The following EIF3B variants were observed in gnomAD, a reference collection of about 807,000 sequenced individuals.
EIF3B encodes eukaryotic translation initiation factor 3 subunit B, also known as eukaryotic translation initiation factor 3 subunit 9.
Under a neutral mutation model 104.6 loss-of-function variants are expected in EIF3B, and 10 were observed. That is an observed-to-expected ratio of 0.10 (90% CI 0.06 to 0.16). EIF3B has a LOEUF of 0.16. EIF3B is among the 10% of genes least tolerant of loss of function. The probability of loss-of-function intolerance (pLI) is 1.00; values close to 1 mark genes in which losing one functional copy is unlikely to be tolerated. For missense variants in EIF3B, 1,014 were observed against 1,087.9 expected (o/e 0.93, Z 0.96); for synonymous variants, 542 against 417.2 (o/e 1.30, Z -3.65).
intron 10 of EIF3B, among the ~76,000 whole-genome samples, chr7:2,371,006 T>C (rs1562486734): frequency 6.6e-6 from 1 of 152,064 alleles, no homozygotes; most frequent in Non-Finnish European, 1.5e-5. Context: ...GAGCTTGCAG[T>C]GAGCCGAGAT....
intron 9 of EIF3B, among the ~76,000 whole-genome samples, chr7:2,368,725 G>A (rs1780162274): frequency 6.6e-6 from 1 of 152,212 alleles, no homozygotes; most frequent in Non-Finnish European, 1.5e-5. Flanking sequence ...TCCGAGGCAG[G>A]GTTTGGGGAG....
chr7:2,362,767 G>T lies in EIF3B; in HGVS notation c.812+3G>T. On this transcript the variant is annotated splice_donor_region_variant and intron_variant, in intron 3 of 18. Coordinates refer to ENST00000360876, the MANE Select transcript of EIF3B (RefSeq NM_001037283.2). ...AACCTCTTTACGGATTTTGACAAGT[G>T]AGTTCAGACTTGGCCACAAGGAAGT... 6.2e-7 allele frequency: 1 copy of T among 1,614,158 alleles called. No homozygotes were observed. The highest frequency in any genetic ancestry group is 1.1e-5 in the South Asian group (1 of 91,076).
intron 12 of EIF3B, chr7:2,374,197 G>A (rs1245330773): frequency 9.1e-6 from 2 of 219,478 alleles, no homozygotes; most frequent in Non-Finnish European, 1.8e-5. Flanking sequence ...TGGTCTTTTG[G>A]GGTCACACGT....
intron 2 of EIF3B, 25 bp downstream of exon 2, chr7:2,360,927 TATC>T (rs1779691634): frequency 6.4e-7 from 1 of 1,561,532 alleles, no homozygotes; most frequent in African/African-American, 1.4e-5. Context: ...GTTGGAGAAG[TATC>T]ATCTGTGTCT....
intron 2 of EIF3B, among the ~76,000 whole-genome samples, chr7:2,361,521 A>G (rs1779725393): frequency 6.7e-6 from 1 of 150,182 alleles, no homozygotes; most frequent in Admixed American, 6.6e-5. Flanking sequence ...CCAGGTTCAC[A>G]CTATTCTCCC....
Position 2,380,647 on chromosome 7 carries a change from C to T in EIF3B, c.*458C>T. ...TGCTGGACGTGTCCCGGAGACCCAC[C>T]GGGAGGGCGCCGCCATGCCTTGTAC... On this transcript the variant is annotated 3_prime_UTR_variant, in exon 19 of 19. Transcript: ENST00000360876. 2 of 228,802 alleles carry T rather than the reference C, an allele frequency of 8.7e-6. No homozygotes were observed. The highest frequency in any genetic ancestry group is 8.6e-5 in the South Asian group (2 of 23,270). 14.2% of individuals were successfully genotyped at this position (228,802 alleles called of 1,614,324 possible).
intron 10 of EIF3B, among the ~76,000 whole-genome samples, chr7:2,370,585 C>T (rs1242889799): frequency 2.6e-5 from 4 of 152,092 alleles, no homozygotes; most frequent in Non-Finnish European, 5.9e-5. Context: ...CTGAAAACAC[C>T]CCTTTAGAGT....
At chr7:2,369,403 T>A (rs1216444669) in intron 9 of EIF3B, 69 bp from the exon 10 acceptor site, 2 of 1,521,958 alleles carry the variant, frequency 1.3e-6, no homozygotes, top group African/African-American at 2.8e-5. Context: ...AGTTGTTCTA[T>A]TCTCTTCTGC....
chr7:2,356,738 T>G (rs1779466594), intron 1 of EIF3B, among the ~76,000 whole-genome samples: 1 of 151,990 alleles, frequency 6.6e-6, no homozygotes, highest in Admixed American at 6.6e-5. Context: ...AGGTGGAGGT[T>G]GCAGTGAGCC....
chr7:2,365,341 C>T (rs1466588860), intron 6 of EIF3B, among the ~76,000 whole-genome samples: 1 of 152,132 alleles, frequency 6.6e-6, no homozygotes, highest in Non-Finnish European at 1.5e-5. Context: ...GAGCTGGGGC[C>T]ACTCTAGGGA....
At chr7:2,366,890 C>A (rs1320959730) in intron 8 of EIF3B, 109 bp from the exon 9 acceptor site, 2 of 1,207,418 alleles carry the variant, frequency 1.7e-6, no homozygotes, top group African/African-American at 3.0e-5. Flanking sequence ...TGCACTGCCC[C>A]CTAGGCAAAC....
Position 2,368,929 on chromosome 7 carries a change from A to G in EIF3B, c.1404-543A>G, listed in dbSNP as rs967561339. Among the ~76,000 whole-genome samples the G allele has an allele frequency of 7.2e-5, 11 of 152,250 alleles. 1 individual carries two copies. The highest frequency in any genetic ancestry group is 2.4e-4 in the African/African-American group (10 of 41,480). On this transcript the variant is annotated intron_variant, in intron 9 of 18. Coordinates refer to ENST00000360876, the MANE Select transcript of EIF3B (RefSeq NM_001037283.2). The stretch of plus-strand genomic sequence containing the variant: ...AGGACGTTGGTTCTCAAAAAATGCA[A>G]AACAGCACATAGCGTGTATAAAGAT...
At chr7:2,363,308 A>T (rs558540800) in intron 4 of EIF3B, among the ~76,000 whole-genome samples, 181 bp downstream of exon 4, 1 of 152,178 alleles carries the variant, frequency 6.6e-6, no homozygotes, top group African/African-American at 2.4e-5. Flanking sequence ...AAATAAATAC[A>T]TACATTAGCT....
At chr7:2,358,783 C>T (rs1008030252) in intron 1 of EIF3B, among the ~76,000 whole-genome samples, 1 of 152,158 alleles carries the variant, frequency 6.6e-6, no homozygotes, top group African/African-American at 2.4e-5. Flanking sequence ...CCTGCCTCGG[C>T]CTCCCAAAAT....
At chr7:2,378,638 G>A in intron 15 of EIF3B, 51 bp from the exon 16 acceptor site, 1 of 1,533,442 alleles carries the variant, frequency 6.5e-7, no homozygotes. Flanking sequence ...GATTGCATTT[G>A]TGCTTGTTGC....
At chr7:2,357,060 ATTG>A (rs1484147955) in intron 1 of EIF3B, among the ~76,000 whole-genome samples, 3 of 152,136 alleles carry the variant, frequency 2.0e-5, no homozygotes, top group South Asian at 4.1e-4. Context: ...TAACGCTTCA[ATTG>A]TTATTATGGT....
intron 10 of EIF3B, among the ~76,000 whole-genome samples, chr7:2,371,402 C>A (rs769904168): frequency 6.6e-6 from 1 of 152,224 alleles, no homozygotes; most frequent in Non-Finnish European, 1.5e-5. Context: ...ACAGGACACC[C>A]CACTGTCTGA....
chr7:2,378,400 AATG>A (rs1780791956), intron 15 of EIF3B: 1 of 305,292 alleles, frequency 3.3e-6, no homozygotes, highest in African/African-American at 4.4e-5. Flanking sequence ...GTGTTGTGTG[AATG>A]ACCCTGGGTG....
At chr7:2,358,640 C>T (rs745552855) in intron 1 of EIF3B, among the ~76,000 whole-genome samples, 5 of 152,178 alleles carry the variant, frequency 3.3e-5, no homozygotes, top group Non-Finnish European at 7.3e-5. Flanking sequence ...GATTCTCCTG[C>T]CCCAGCCTCT....
Sources: allele counts gnomAD v4.1 joint callset (sites outside exome capture counted in the v4.1 genomes callset), GRCh38; gene constraint gnomAD v4.1.1; transcripts MANE v1.5; gene names NCBI Gene and HGNC (gene_info 2026-07-23, HGNC 2026-07-21).